Variants in RBFOX1 observed in about 807,000 individuals in gnomAD.
RBFOX1 encodes the protein RNA binding protein fox-1 homolog 1.
RBFOX1 carries 8 observed loss-of-function variants against 57.7 expected under a neutral mutation model. The ratio of observed to expected loss-of-function variants is 0.14; its 90% confidence interval spans 0.08 to 0.25. RBFOX1 has a LOEUF of 0.25. Ranked by LOEUF, RBFOX1 falls within the 10% of genes least tolerant of loss-of-function variation. The pLI, the probability that RBFOX1 is intolerant of heterozygous loss-of-function variation, is 1.00. For missense variants in RBFOX1, 611 were observed against 548.5 expected, an observed-to-expected ratio of 1.11 and a Z score of -1.14; for synonymous variants, 326 against 222.4, an observed-to-expected ratio of 1.47 and a Z score of -4.15.
chr16:5,338,024 A>G (rs1431735085), intron 1 of RBFOX1, among the ~76,000 whole-genome samples: 1 of 152,202 alleles, frequency 6.6e-6, no homozygotes, highest in African/African-American at 2.4e-5. Context: ...AGCCTGGACA[A>G]CAAAGTGAGT....
chr16:6,387,286 A>C (rs2092344750), intron 2 of RBFOX1, among the ~76,000 whole-genome samples: 1 of 152,140 alleles, frequency 6.6e-6, no homozygotes, highest in Non-Finnish European at 1.5e-5. Context: ...AGAAAAAAGA[A>C]GTTGAGATGC....
At chr16:5,412,070 G>C (rs961853278) in intron 1 of RBFOX1, among the ~76,000 whole-genome samples, 1 of 152,108 alleles carries the variant, frequency 6.6e-6, no homozygotes, top group Non-Finnish European at 1.5e-5. Flanking sequence ...AGAATGTCTT[G>C]CCCTCCTGAA....
chr16:5,923,986 A>C (rs1327023853), intron 4 of RBFOX1, among the ~76,000 whole-genome samples: 1 of 152,122 alleles, frequency 6.6e-6, no homozygotes, highest in Non-Finnish European at 1.5e-5. Flanking sequence ...CCACGTGTCA[A>C]GGTCAGGACA....
intron 1 of RBFOX1, among the ~76,000 whole-genome samples, chr16:5,364,978 C>T (rs771670062): frequency 7.9e-5 from 12 of 152,258 alleles, no homozygotes; most frequent in African/African-American, 1.4e-4. Context: ...GTCTCGGTTG[C>T]AGTGGTTTGG....
At chr16:5,730,132 G>A (rs950724061) in intron 3 of RBFOX1, among the ~76,000 whole-genome samples, 2 of 152,144 alleles carry the variant, frequency 1.3e-5, no homozygotes, top group African/African-American at 4.8e-5. Flanking sequence ...TTAGGTTTTT[G>A]GTTTCTGGTC....
chr16:5,816,105 G>A (rs1291446522), intron 3 of RBFOX1, among the ~76,000 whole-genome samples: 3 of 152,140 alleles, frequency 2.0e-5, no homozygotes, highest in African/African-American at 4.8e-5. Flanking sequence ...CTGGGATGAC[G>A]GGTAGCATTA....
chr16:5,720,730 C>G (rs1473468059), intron 3 of RBFOX1, among the ~76,000 whole-genome samples: 1 of 152,196 alleles, frequency 6.6e-6, no homozygotes, highest in Non-Finnish European at 1.5e-5. Context: ...TCAAAAATCA[C>G]TTATTCGTAA....
chr16:5,507,777 A>T (rs1371842693), intron 2 of RBFOX1, among the ~76,000 whole-genome samples: 1 of 152,162 alleles, frequency 6.6e-6, no homozygotes, highest in African/African-American at 2.4e-5. Context: ...GAGGTGGGAG[A>T]GGTGCAGCCA....
At chr16:5,555,419 T>G (rs971911452) in intron 2 of RBFOX1, among the ~76,000 whole-genome samples, 1 of 151,354 alleles carries the variant, frequency 6.6e-6, no homozygotes, top group Non-Finnish European at 1.5e-5. Flanking sequence ...CCTGGCAAAT[T>G]TTTGTATTTT....
chr16:5,958,169 G>C (rs2059683299), intron 4 of RBFOX1, among the ~76,000 whole-genome samples: 1 of 152,164 alleles, frequency 6.6e-6, no homozygotes. Context: ...TTTGTGTAAA[G>C]GGCTTAGCAC....
chr16:6,009,746 G>A (rs1355370354), intron 4 of RBFOX1, among the ~76,000 whole-genome samples: 1 of 151,730 alleles, frequency 6.6e-6, no homozygotes, highest in East Asian at 1.9e-4. Flanking sequence ...TGGACAAAAT[G>A]CACTGATATT....
chr16:6,833,181 A>T (rs2092833876), intron 3 of RBFOX1, among the ~76,000 whole-genome samples: 2 of 149,792 alleles, frequency 1.3e-5, no homozygotes, highest in African/African-American at 4.9e-5. Context: ...TTATTTATTT[A>T]CTGAGACGGG....
At chr16:7,407,660 C>G (rs1769813806) in intron 4 of RBFOX1, among the ~76,000 whole-genome samples, 3 of 152,092 alleles carry the variant, frequency 2.0e-5, no homozygotes, top group Non-Finnish European at 4.4e-5. Flanking sequence ...GGCAGCATAC[C>G]TATTATCTTA....
intron 1 of RBFOX1, among the ~76,000 whole-genome samples, chr16:6,288,647 A>T (rs2077142053): frequency 6.6e-6 from 1 of 152,126 alleles, no homozygotes; most frequent in Non-Finnish European, 1.5e-5. Context: ...CAAAATTGAG[A>T]TTTAAACCCA....
chr16:5,402,977 G>T (rs1238210169), intron 1 of RBFOX1, among the ~76,000 whole-genome samples: 2 of 152,152 alleles, frequency 1.3e-5, no homozygotes, highest in African/African-American at 4.8e-5. Context: ...GTACCAGACT[G>T]ATTTTATACT....
intron 3 of RBFOX1, among the ~76,000 whole-genome samples, chr16:6,851,099 G>A (rs1170173221): frequency 6.6e-6 from 1 of 152,120 alleles, no homozygotes; most frequent in Non-Finnish European, 1.5e-5. Context: ...TCCAGGGTGA[G>A]TTTCACTCCC....
intron 3 of RBFOX1, among the ~76,000 whole-genome samples, chr16:5,762,218 T>C (rs1164090586): frequency 6.6e-6 from 1 of 152,146 alleles, no homozygotes; most frequent in Non-Finnish European, 1.5e-5. Flanking sequence ...AAGCTGTGAA[T>C]AAGCAGTTCA....
intron 3 of RBFOX1, among the ~76,000 whole-genome samples, chr16:6,839,385 G>A (rs1357764442): frequency 6.6e-6 from 1 of 152,200 alleles, no homozygotes; most frequent in Non-Finnish European, 1.5e-5. Context: ...AGGTTAGGTT[G>A]TCAGCTGCGT....
intron 3 of RBFOX1, among the ~76,000 whole-genome samples, chr16:5,822,712 C>T (rs2055900026): frequency 6.6e-6 from 1 of 152,160 alleles, no homozygotes; most frequent in Admixed American, 6.5e-5. Flanking sequence ...CAACCCATGG[C>T]CTGGAGAGTC....
Sources: allele counts gnomAD v4.1 joint callset (sites outside exome capture counted in the v4.1 genomes callset), GRCh38; gene constraint gnomAD v4.1.1; transcripts MANE v1.5; gene names NCBI Gene and HGNC (gene_info 2026-07-23, HGNC 2026-07-21).